The following DLG2 variants were observed in gnomAD, a reference collection of about 807,000 sequenced individuals.
DLG2 encodes discs large MAGUK scaffold protein 2, also known as disks large homolog 2.
A neutral mutation model predicts 132.5 loss-of-function variants in DLG2; 45 were observed. The ratio of observed to expected loss-of-function variants is 0.34; its 90% confidence interval spans 0.27 to 0.44. The LOEUF (loss-of-function observed/expected upper bound fraction) is 0.44. DLG2 is among the 20% of genes least tolerant of loss of function. The pLI, the probability that DLG2 is intolerant of heterozygous loss-of-function variation, is 1.00. For missense variants in DLG2, 1,045 were observed against 1,196.9 expected (o/e 0.87, Z 1.87); for synonymous variants, 424 against 419.6 (o/e 1.01, Z -0.13).
chr11:85,110,559 T>C (rs1025385736), intron 6 of DLG2, among the ~76,000 whole-genome samples: 6 of 152,132 alleles, frequency 3.9e-5, no homozygotes, highest in African/African-American at 1.4e-4. Flanking sequence ...CTGGGCTCCC[T>C]CTGCACTGCA....
chr11:84,857,531 A>G (rs1478764767), intron 6 of DLG2, among the ~76,000 whole-genome samples: 1 of 152,134 alleles, frequency 6.6e-6, no homozygotes, highest in African/African-American at 2.4e-5. Context: ...TATGTAATAT[A>G]CAATGGATTT....
At chr11:85,461,530 G>C (rs764733970) in intron 3 of DLG2, among the ~76,000 whole-genome samples, 2 of 152,230 alleles carry the variant, frequency 1.3e-5, no homozygotes, top group African/African-American at 2.4e-5. Flanking sequence ...AATACTGAGA[G>C]TGAGAGAAGT....
At chr11:85,001,010 C>T (rs1355171694) in intron 6 of DLG2, among the ~76,000 whole-genome samples, 1 of 151,972 alleles carries the variant, frequency 6.6e-6, no homozygotes, top group Non-Finnish European at 1.5e-5. Context: ...GAAAAGAACC[C>T]CATGCATTTT....
At chr11:83,980,284 G>T (rs1015542619) in intron 12 of DLG2, among the ~76,000 whole-genome samples, 24 of 152,158 alleles carry the variant, frequency 1.6e-4, no homozygotes, top group African/African-American at 5.5e-4. Context: ...CAGTGAGAAG[G>T]TGGCCACCTG....
intron 3 of DLG2, among the ~76,000 whole-genome samples, chr11:85,512,022 T>C (rs2094084328): frequency 6.6e-6 from 1 of 152,072 alleles, no homozygotes; most frequent in Admixed American, 6.6e-5. Flanking sequence ...TTGACTGCAG[T>C]TCCATGGTGT....
At position 83,722,872 on chromosome 11, in the gene DLG2, C is replaced by T. The variant is rs139288890; in HGVS notation, c.1825+63818G>A. ...ACAGTTATAGGAGCATATGAAATGACGCATCTGGCTTTATGAGCTGGCAAT... is the reference window on the plus strand; with the variant it reads ...ACAGTTATAGGAGCATATGAAATGATGCATCTGGCTTTATGAGCTGGCAAT... On this transcript the variant is annotated intron_variant, in intron 18 of 27. Coordinates refer to ENST00000376104, the MANE Select transcript of DLG2 (RefSeq NM_001142699.3). Among the ~76,000 whole-genome samples the T allele has an allele frequency of 3.6e-4, 55 of 152,236 alleles. 1 individual carries two copies. The South Asian group carries it at 7.3e-3, about 20-fold the overall frequency.
chr11:85,448,551 T>G (rs2153039850), intron 3 of DLG2, among the ~76,000 whole-genome samples: 1 of 152,326 alleles, frequency 6.6e-6, no homozygotes, highest in Non-Finnish European at 1.5e-5. Flanking sequence ...TTTGAATGCC[T>G]ACTGCTTTCT....
intron 4 of DLG2, among the ~76,000 whole-genome samples, chr11:85,230,429 T>G (rs1020534313): frequency 1.2e-4 from 18 of 151,864 alleles, no homozygotes; most frequent in African/African-American, 4.3e-4. Flanking sequence ...ATTCATTTAT[T>G]TAAATAAACA....
intron 6 of DLG2, among the ~76,000 whole-genome samples, chr11:84,736,848 GCT>G (rs1208589019): frequency 6.6e-6 from 1 of 151,790 alleles, no homozygotes; most frequent in Non-Finnish European, 1.5e-5. Flanking sequence ...ATCTTCCTTT[GCT>G]TCTTTTTCTT....
rs1467334195 is a variant in DLG2 at position 83,648,180 on chromosome 11, TAGAC to T, written c.1826-14859_1826-14856del. The stretch of plus-strand genomic sequence containing the variant: ...TGATTAGGGGACACAGGCAAGAAAA[TAGAC>T]AGTAAGTTTGTTAAGGCATGAACAA... On this transcript the variant is annotated intron_variant, in intron 18 of 27. Transcript: ENST00000376104. 5.9e-5 allele frequency: 9 copies of T among 152,054 alleles called. No homozygotes were observed. In the East Asian group the frequency reaches 1.4e-3, roughly 23 times the overall value. The allele number at this position is 152,054 out of a possible 1,614,324, so 9.4% of individuals were successfully genotyped here. A position where few individuals can be genotyped will look rare whatever the true frequency, so the allele number is the denominator to read the frequency against.
At chr11:84,750,624 C>G (rs2065986676) in intron 6 of DLG2, among the ~76,000 whole-genome samples, 1 of 151,998 alleles carries the variant, frequency 6.6e-6, no homozygotes, top group Non-Finnish European at 1.5e-5. Context: ...ATAATTAACT[C>G]TGCTGAGAGA....
At chr11:85,317,588 T>C (rs1230102180) in intron 3 of DLG2, among the ~76,000 whole-genome samples, 1 of 151,910 alleles carries the variant, frequency 6.6e-6, no homozygotes, top group Non-Finnish European at 1.5e-5. Context: ...GAGAATAGTC[T>C]TTTGTTCCTT....
intron 4 of DLG2, among the ~76,000 whole-genome samples, chr11:85,279,572 C>A (rs2078106697): frequency 6.6e-6 from 1 of 152,098 alleles, no homozygotes; most frequent in Non-Finnish European, 1.5e-5. Context: ...CACTCTACCC[C>A]TCTTCCAACT....
chr11:85,295,545 A>G (rs535865469), intron 3 of DLG2, among the ~76,000 whole-genome samples: 12 of 152,286 alleles, frequency 7.9e-5, no homozygotes, highest in African/African-American at 2.6e-4. Context: ...ATCAGGCTGG[A>G]CAATGGCAAG....
rs1259809908 is a variant in DLG2 at position 83,923,947 on chromosome 11, AT to A, written c.1496+6380del. Among the ~76,000 whole-genome samples, 3 of 152,100 alleles carry A rather than the reference AT, an allele frequency of 2.0e-5. No individual in the cohort carries two copies. The East Asian group carries it at 5.8e-4, about 29-fold the overall frequency. On this transcript the variant is annotated intron_variant, in intron 15 of 27. Transcript: ENST00000376104. ...CTCAGCTTGGTAAGTAAGATCTTCTATGATACACAGCTGCCTTTTTCTCCAA... is the reference window on the plus strand; with the variant it reads ...CTCAGCTTGGTAAGTAAGATCTTCTAGATACACAGCTGCCTTTTTCTCCAA...
At chr11:85,100,819 C>G (rs2070734537) in intron 6 of DLG2, among the ~76,000 whole-genome samples, 1 of 152,100 alleles carries the variant, frequency 6.6e-6, no homozygotes, top group African/African-American at 2.4e-5. Context: ...TGCCAGCTAC[C>G]TGGTCATCTA....
chr11:85,447,458 G>A (rs2092061455), intron 3 of DLG2, among the ~76,000 whole-genome samples: 1 of 152,064 alleles, frequency 6.6e-6, no homozygotes, highest in South Asian at 2.1e-4. Context: ...GAGAAGATTA[G>A]GACACAGATA....
At chr11:84,389,365 C>T (rs2098783803) in intron 7 of DLG2, among the ~76,000 whole-genome samples, 1 of 152,040 alleles carries the variant, frequency 6.6e-6, no homozygotes, top group Non-Finnish European at 1.5e-5. Context: ...TCAGTTAAAA[C>T]TCCATAAAAA....
At chr11:83,767,978 C>A (rs1042567422) in intron 18 of DLG2, among the ~76,000 whole-genome samples, 1 of 152,186 alleles carries the variant, frequency 6.6e-6, no homozygotes, top group Admixed American at 6.5e-5. Context: ...CCTCAAACAT[C>A]TTTGCCTCTC....
Sources: allele counts gnomAD v4.1 joint callset (sites outside exome capture counted in the v4.1 genomes callset), GRCh38; gene constraint gnomAD v4.1.1; transcripts MANE v1.5; gene names NCBI Gene and HGNC (gene_info 2026-07-23, HGNC 2026-07-21).